The following NDST1 variants were observed in gnomAD, a reference collection of about 807,000 sequenced individuals.
NDST1 encodes the protein bifunctional heparan sulfate N-deacetylase/N-sulfotransferase 1.
NDST1 carries 35 observed loss-of-function variants against 92.8 expected under a neutral mutation model. The ratio of observed to expected loss-of-function variants is 0.38; its 90% confidence interval spans 0.29 to 0.50. The LOEUF is 0.50. Ranked by LOEUF, NDST1 falls within the 20% of genes least tolerant of loss-of-function variation. NDST1 has a pLI of 0.94. For missense variants in NDST1, 822 were observed against 1,182.7 expected (o/e 0.69, Z 4.47); for synonymous variants, 493 against 500.3 (o/e 0.99, Z 0.19).
intron 1 of NDST1, among the ~76,000 whole-genome samples, chr5:150,514,912 C>T (rs1753891168): frequency 6.6e-6 from 1 of 152,160 alleles, no homozygotes. Flanking sequence ...TGGTTCCTGC[C>T]CTTGAGTGGC....
chr5:150,521,791 A>C lies in NDST1; in HGVS notation c.513+24A>C. The C allele has an allele frequency of 6.2e-7, 1 of 1,610,306 alleles. No homozygotes were observed. Among genetic ancestry groups the C allele is most frequent in the Non-Finnish European group, 8.5e-7 (1 of 1,179,984 alleles). Reference sequence around the variant, plus strand: ...AGGTACACAAGAAGCAGGGTCCCCGAGCAGTTCAGAGCCCCCTCTGCAGCT... The same window carrying C: ...AGGTACACAAGAAGCAGGGTCCCCGCGCAGTTCAGAGCCCCCTCTGCAGCT... On this transcript the variant is annotated intron_variant, in intron 2 of 14. Coordinates refer to ENST00000261797, the MANE Select transcript of NDST1 (RefSeq NM_001543.5). This position sits in a 1 kb window ranked among gnomAD's most constrained non-coding sequence, Gnocchi z 5.9.
Position 150,539,828 on chromosome 5 carries a change from A to G in NDST1, c.1567-254A>G, listed in dbSNP as rs979283651. 4.1e-6 allele frequency: 4 copies of G among 975,700 alleles called. No individual in the cohort carries two copies. In the African/African-American group the frequency reaches 7.0e-5, roughly 17 times the overall value. 60.4% of individuals were successfully genotyped at this position (975,700 alleles called of 1,614,324 possible). A position where few individuals can be genotyped will look rare whatever the true frequency, so the allele number is the denominator to read the frequency against. On this transcript the variant is annotated intron_variant, in intron 7 of 14. Transcript: ENST00000261797. The stretch of plus-strand genomic sequence containing the variant: ...ATGCACCCCACCCCTAACATTTACA[A>G]AATAAAACCCAAATAGCTCCCACAT...
intron 6 of NDST1, among the ~76,000 whole-genome samples, 163 bp from the exon 7 acceptor site, chr5:150,539,065 G>A (rs1755123168): frequency 6.6e-6 from 1 of 152,242 alleles, no homozygotes; most frequent in African/African-American, 2.4e-5. Context: ...AGTTCACTGG[G>A]GGGAACGCTG....
At position 150,521,386 on chromosome 5, in the gene NDST1, C is replaced by T. The variant is rs764557458; in HGVS notation, c.132C>T (p.Gly44=). The T allele has an allele frequency of 1.9e-6, 3 of 1,613,310 alleles. No homozygotes were observed. The African/African-American group carries it at 4.0e-5, about 22-fold the overall frequency. The change falls in exon 2 of 15, where the codon GGC becomes GGT. Residue 44 remains glycine, a synonymous_variant. Transcript: ENST00000261797. This position sits in a 1 kb window ranked among gnomAD's most constrained non-coding sequence, Gnocchi z 5.9. ...ACTACCTATATGGCTGGAAGCGAGG[C>T]CTGGAGCCCTCGGCGGATGCCCCCG... ...SAYYLYGWKR[G]LEPSADAPEP...
At chr5:150,504,123 T>A (rs1211740404), upstream of NDST1, among the ~76,000 whole-genome samples, 1 of 152,142 alleles carries the variant, frequency 6.6e-6, no homozygotes, top group African/African-American at 2.4e-5. Flanking sequence ...TGCCCAGGCA[T>A]GCCAGCCAAG....
chr5:150,528,565 C>T (rs563647091), intron 3 of NDST1, among the ~76,000 whole-genome samples: 4 of 151,908 alleles, frequency 2.6e-5, no homozygotes, highest in South Asian at 2.1e-4. Flanking sequence ...CTGAGGTAGG[C>T]GGATCACTTG....
Position 150,520,868 on chromosome 5 carries a change from C to T in NDST1, c.-387C>T. 3 of 468,768 alleles carry T rather than the reference C, an allele frequency of 6.4e-6. No individual in the cohort carries two copies. The South Asian group carries it at 1.7e-4, about 26-fold the overall frequency. 29.0% of individuals were successfully genotyped at this position (468,768 alleles called of 1,614,324 possible). The stretch of plus-strand genomic sequence containing the variant: ...CTCCTGTTCTCTCCACTCTCCACAG[C>T]CTTAGCCCCGTGGGCCCCACGGAGT... On this transcript the variant is annotated splice_region_variant and 5_prime_UTR_variant, in exon 2 of 15. Transcript: ENST00000261797.
chr5:150,556,591 TTCTC>T lies in NDST1; in HGVS notation c.*3265_*3268del, dbSNP rs770939608. ...TTATTAACATTTTGCCACATTCTTT[TTCTC>T]TCTCTGTGTATGTATATGTTTTCTC... On this transcript the variant is annotated 3_prime_UTR_variant, in exon 15 of 15. Transcript: ENST00000261797. 8.5e-5 allele frequency: 13 copies of T among 152,238 alleles called. No homozygotes were observed. Among genetic ancestry groups the T allele is most frequent in the East Asian group, 3.8e-4 (2 of 5,198 alleles). 9.4% of individuals were successfully genotyped at this position (152,238 alleles called of 1,614,324 possible).
chr5:150,553,483 C>A lies in NDST1; in HGVS notation c.*151C>A, dbSNP rs1202490997. On this transcript the variant is annotated 3_prime_UTR_variant, in exon 15 of 15. Transcript: ENST00000261797. The surrounding 1 kb of genome is among the most constrained non-coding windows in gnomAD (Gnocchi z 4.2). ...AGGTCTGGTGGGGCTGGGGGAGCACCCAGGCGGATCTGCAAGCACCTCGGA... is the reference window on the plus strand; with the variant it reads ...AGGTCTGGTGGGGCTGGGGGAGCACACAGGCGGATCTGCAAGCACCTCGGA... 1 of 1,123,542 alleles carries A rather than the reference C, an allele frequency of 8.9e-7. No homozygotes were observed. Among genetic ancestry groups the A allele is most frequent in the African/African-American group, 1.5e-5 (1 of 65,092 alleles). The allele number at this position is 1,123,542 out of a possible 1,614,324, so 69.6% of individuals were successfully genotyped here.
intron 11 of NDST1, among the ~76,000 whole-genome samples, chr5:150,547,277 G>A (rs1400172122): frequency 6.6e-6 from 1 of 152,208 alleles, no homozygotes; most frequent in Non-Finnish European, 1.5e-5. Context: ...GGAGGACCTG[G>A]GAAGATGTTG....
At chr5:150,512,752 G>A (rs1192020653) in intron 1 of NDST1, among the ~76,000 whole-genome samples, 2 of 152,238 alleles carry the variant, frequency 1.3e-5, no homozygotes, top group Non-Finnish European at 2.9e-5. Context: ...TGAGCTCAGT[G>A]TTTTACATGC....
At chr5:150,498,464 CT>C (rs1449614056) in intron 1 of NDST1, among the ~76,000 whole-genome samples, 1 of 152,206 alleles carries the variant, frequency 6.6e-6, no homozygotes, top group Non-Finnish European at 1.5e-5. Flanking sequence ...GTCTCCACCC[CT>C]GGCTCCGCAC....
chr5:150,526,087 CT>C (rs1435357315), intron 2 of NDST1, among the ~76,000 whole-genome samples: 1 of 152,170 alleles, frequency 6.6e-6, no homozygotes, highest in Non-Finnish European at 1.5e-5. Context: ...CCTGTCCTAC[CT>C]CAGGGCCTTT....
In NDST1 at chr5:150,540,871, G is replaced by A. The variant is rs137891577; in HGVS notation, c.1749+607G>A. The stretch of plus-strand genomic sequence containing the variant: ...TGCAGACAAAGTACAGAAAGTGAAT[G>A]CGTTGTCTTGGTCAGGCTCTTAGAT... On this transcript the variant is annotated intron_variant, in intron 8 of 14. Transcript: ENST00000261797. 4.8e-3 allele frequency among the ~76,000 whole-genome samples: 728 copies of A among 152,342 alleles called. 4 individuals are homozygous for A. The highest frequency in any genetic ancestry group is 0.016 in the African/African-American group (668 of 41,578).
chr5:150,523,600 G>A (rs1561595535), intron 2 of NDST1, among the ~76,000 whole-genome samples: 1 of 152,222 alleles, frequency 6.6e-6, no homozygotes, highest in Non-Finnish European at 1.5e-5. Flanking sequence ...TCTTAACCAC[G>A]ATGTGATGAG....
chr5:150,525,383 A>C (rs1054286432), intron 2 of NDST1, among the ~76,000 whole-genome samples: 10 of 152,280 alleles, frequency 6.6e-5, no homozygotes, highest in African/African-American at 2.4e-4. Flanking sequence ...CCCGCGGTCC[A>C]GTGTGGCATC....
chr5:150,531,382 G>A (rs557407753), intron 3 of NDST1, among the ~76,000 whole-genome samples: 23 of 152,272 alleles, frequency 1.5e-4, no homozygotes, highest in South Asian at 8.3e-4. Context: ...TCCACCAGGC[G>A]GTGCACGGCC....
At chr5:150,536,069 C>G (rs1272707652) in intron 6 of NDST1, among the ~76,000 whole-genome samples, 184 bp downstream of exon 6, 1 of 152,234 alleles carries the variant, frequency 6.6e-6, no homozygotes, top group Non-Finnish European at 1.5e-5. Context: ...GCCACTCCGA[C>G]CCCTTTCATG....
At chr5:150,525,672 G>T (rs1754441954) in intron 2 of NDST1, among the ~76,000 whole-genome samples, 1 of 152,118 alleles carries the variant, frequency 6.6e-6, no homozygotes, top group African/African-American at 2.4e-5. Context: ...AGCCTTTTTG[G>T]GAATTAGAGG....
Sources: gnomAD v4.1 joint callset for allele counts (sites outside exome capture counted in the v4.1 genomes callset) on GRCh38, gnomAD v4.1.1 for gene constraint, Gnocchi (gnomAD v3.1) non-coding constraint, MANE v1.5 for transcripts, NCBI Gene and HGNC (gene_info 2026-07-23, HGNC 2026-07-21) for gene names.